The following ZPBP variants were observed in gnomAD, a reference collection of about 807,000 sequenced individuals.
ZPBP encodes the protein zona pellucida binding protein, also known as zona pellucida-binding protein 1.
In ZPBP, 26 loss-of-function variants were observed where a neutral mutation model predicts 44.8. That is an observed-to-expected ratio of 0.58 (90% confidence interval 0.43 to 0.81). The LOEUF is 0.81. ZPBP is among the 30% of genes least tolerant of loss of function. ZPBP has a pLI of 0.00. For missense variants in ZPBP, 409 were observed against 434.0 expected, an observed-to-expected ratio of 0.94 and a Z score of 0.51; for synonymous variants, 174 against 153.2, an observed-to-expected ratio of 1.14 and a Z score of -1.00.
chr7:49,949,597 T>C (rs1213287583), intron 7 of ZPBP, among the ~76,000 whole-genome samples: 1 of 151,748 alleles, frequency 6.6e-6, no homozygotes, highest in Non-Finnish European at 1.5e-5. Flanking sequence ...AGAGAAAAAA[T>C]GTAGAATGGT....
chr7:50,064,291 C>T (rs947134957), intron 3 of ZPBP, among the ~76,000 whole-genome samples: 2 of 152,138 alleles, frequency 1.3e-5, no homozygotes, highest in African/African-American at 4.8e-5. Flanking sequence ...TAGAATATCA[C>T]AAGGCAAGTG....
chr7:50,083,450 A>T (rs970781297), intron 2 of ZPBP, among the ~76,000 whole-genome samples: 27 of 151,984 alleles, frequency 1.8e-4, no homozygotes, highest in African/African-American at 5.6e-4. Flanking sequence ...TTTATTTATC[A>T]ACACATAAGC....
intron 4 of ZPBP, among the ~76,000 whole-genome samples, chr7:50,052,701 A>G (rs1369912913): frequency 6.6e-6 from 1 of 152,216 alleles, no homozygotes. Context: ...AGCAACCTAG[A>G]TATCTTTCAA....
intron 7 of ZPBP, among the ~76,000 whole-genome samples, chr7:49,969,491 T>G (rs183237143): frequency 1.3e-3 from 168 of 127,590 alleles, no homozygotes; most frequent in African/African-American, 4.8e-3. Flanking sequence ...CTATCTCAGA[T>G]AACTTCAATA....
intron 6 of ZPBP, among the ~76,000 whole-genome samples, chr7:50,006,074 G>C (rs1798298104): frequency 6.6e-6 from 1 of 151,698 alleles, no homozygotes; most frequent in African/African-American, 2.4e-5. Flanking sequence ...AATGATGAAA[G>C]GGCCAATTCA....
chr7:50,084,350 C>CAAA (rs35709176), intron 2 of ZPBP, among the ~76,000 whole-genome samples: 3 of 124,278 alleles, frequency 2.4e-5, no homozygotes, highest in Non-Finnish European at 5.2e-5. Flanking sequence ...GAACATGTAC[C>CAAA]AAAAAAAAAA....
At chr7:50,059,092 GA>G (rs1248070854) in intron 3 of ZPBP, among the ~76,000 whole-genome samples, 44 of 152,212 alleles carry the variant, frequency 2.9e-4, no homozygotes, top group South Asian at 2.1e-4. Context: ...TTTTTAATTA[GA>G]AAAATTCTTA....
At chr7:49,897,336 AC>A (rs917111795) in intron 2 of ZPBP, among the ~76,000 whole-genome samples, 6 of 152,216 alleles carry the variant, frequency 3.9e-5, no homozygotes, top group African/African-American at 1.2e-4. Context: ...AAAACCAAAG[AC>A]AGTGAAAAAA....
At chr7:49,963,798 C>T (rs951594428) in intron 7 of ZPBP, among the ~76,000 whole-genome samples, 1 of 151,600 alleles carries the variant, frequency 6.6e-6, no homozygotes, top group African/African-American at 2.4e-5. Flanking sequence ...TTCAATGAAA[C>T]ATTTAAGGAC....
intron 3 of ZPBP, among the ~76,000 whole-genome samples, chr7:50,061,067 A>G (rs1801211155): frequency 6.6e-6 from 1 of 152,174 alleles, no homozygotes. Flanking sequence ...AAATCACACG[A>G]TCATCTCAAC....
intron 7 of ZPBP, among the ~76,000 whole-genome samples, chr7:49,972,611 G>C (rs1562810974): frequency 6.6e-6 from 1 of 151,972 alleles, no homozygotes; most frequent in Non-Finnish European, 1.5e-5. Context: ...GCATTCTGTG[G>C]TCATGGATTG....
intron 6 of ZPBP, among the ~76,000 whole-genome samples, chr7:49,988,188 T>C (rs1406521834): frequency 6.6e-6 from 1 of 152,186 alleles, no homozygotes; most frequent in Non-Finnish European, 1.5e-5. Flanking sequence ...TACAAGGTTT[T>C]TGCTTTTAAA....
intron 6 of ZPBP, among the ~76,000 whole-genome samples, chr7:49,986,829 G>A (rs1237647981): frequency 9.2e-5 from 14 of 152,084 alleles, no homozygotes; most frequent in African/African-American, 2.2e-4. Context: ...ATGTCTTTAC[G>A]GTTCTGTCAA....
intron 3 of ZPBP, among the ~76,000 whole-genome samples, chr7:50,059,599 G>A (rs549048353): frequency 5.3e-5 from 8 of 152,198 alleles, no homozygotes; most frequent in East Asian, 3.9e-4. Flanking sequence ...GAAACACCTC[G>A]TAGAGATGTA....
At chr7:49,992,377 G>C (rs950782972) in intron 6 of ZPBP, among the ~76,000 whole-genome samples, 1 of 151,758 alleles carries the variant, frequency 6.6e-6, no homozygotes, top group Non-Finnish European at 1.5e-5. Context: ...AAAACACAAG[G>C]GAATCTGTAT....
chr7:50,075,640 T>C (rs1802041164), intron 3 of ZPBP, among the ~76,000 whole-genome samples: 1 of 151,844 alleles, frequency 6.6e-6, no homozygotes, highest in Non-Finnish European at 1.5e-5. Flanking sequence ...TGCCAATACA[T>C]TGGAAAATCC....
intron 1 of ZPBP, chr7:49,919,720 G>A (rs951804447): frequency 2.0e-5 from 3 of 152,326 alleles, no homozygotes; most frequent in Admixed American, 2.0e-4. Flanking sequence ...CAATGGTGAA[G>A]GTTGTGGGTG....
downstream of ZPBP, chr7:49,937,416 T>C (rs541717761): frequency 1.2e-6 from 1 of 816,104 alleles, no homozygotes; most frequent in African/African-American, 1.7e-5. Context: ...ATTAAAATGA[T>C]GACACATTTT....
chr7:49,902,812 G>C (rs554717707), intron 1 of ZPBP, among the ~76,000 whole-genome samples: 1 of 151,988 alleles, frequency 6.6e-6, no homozygotes, highest in South Asian at 2.1e-4. Flanking sequence ...TTTTATCAAA[G>C]ACCCCTTTAA....
Sources: gnomAD v4.1 joint callset for allele counts (sites outside exome capture counted in the v4.1 genomes callset) on GRCh38, gnomAD v4.1.1 for gene constraint, MANE v1.5 for transcripts, NCBI Gene and HGNC (gene_info 2026-07-23, HGNC 2026-07-21) for gene names.